LAMA2: variants seen among roughly 807,000 people sequenced by gnomAD.
LAMA2 encodes the protein laminin subunit alpha-2.
Under a neutral mutation model 364.8 loss-of-function variants are expected in LAMA2, and 269 were observed. That is an observed-to-expected ratio of 0.74 (90% confidence interval 0.67 to 0.82). LAMA2 has a LOEUF of 0.82. Ranked by LOEUF, LAMA2 falls within the 40% of genes least tolerant of loss-of-function variation. The pLI is 0.00. For missense variants in LAMA2, 3,807 were observed against 3,873.2 expected, an observed-to-expected ratio of 0.98 and a Z score of 0.45; for synonymous variants, 1,379 against 1,370.6, an observed-to-expected ratio of 1.01 and a Z score of -0.14.
chr6:129,088,241 G>A (rs1305384577), intron 3 of LAMA2, among the ~76,000 whole-genome samples: 1 of 151,692 alleles, frequency 6.6e-6, no homozygotes, highest in East Asian at 1.9e-4. Flanking sequence ...GCATCCCAAG[G>A]CAGAAGAATC....
chr6:129,379,255 A>ATC (rs1184416619), intron 34 of LAMA2, among the ~76,000 whole-genome samples: 1 of 151,928 alleles, frequency 6.6e-6, no homozygotes, highest in Non-Finnish European at 1.5e-5. Flanking sequence ...AGGAAGAATA[A>ATC]CTTATGGGCA....
chr6:129,323,980 A>T (rs191134079), intron 28 of LAMA2, among the ~76,000 whole-genome samples: 39 of 152,284 alleles, frequency 2.6e-4, no homozygotes, highest in Admixed American at 2.6e-3. Context: ...ATTTATACCT[A>T]TCGTCAACAC....
chr6:129,375,751 A>ATG (rs748732020), intron 34 of LAMA2, among the ~76,000 whole-genome samples: 1 of 152,170 alleles, frequency 6.6e-6, no homozygotes, highest in Non-Finnish European at 1.5e-5. Context: ...TAATTCATAA[A>ATG]TCTATATTTT....
intron 15 of LAMA2, among the ~76,000 whole-genome samples, chr6:129,265,154 T>C (rs1414056385): frequency 1.3e-5 from 2 of 152,108 alleles, no homozygotes; most frequent in Non-Finnish European, 2.9e-5. Context: ...GTAATATTTC[T>C]TTAGGAGGAA....
At chr6:129,031,263 A>G (rs1721492661) in intron 1 of LAMA2, among the ~76,000 whole-genome samples, 1 of 152,248 alleles carries the variant, frequency 6.6e-6, no homozygotes. Flanking sequence ...AGCATAAAAC[A>G]GAATTAGATG....
chr6:128,987,120 T>C (rs1427797785), intron 1 of LAMA2, among the ~76,000 whole-genome samples: 1 of 140,698 alleles, frequency 7.1e-6, no homozygotes, highest in East Asian at 2.0e-4. Context: ...ATCTTTAGGA[T>C]AGTTTGTTTT....
chr6:129,147,046 A>G lies in LAMA2; in HGVS notation c.907A>G (p.Asn303Asp), dbSNP rs1368352409. Residue 303 changes from asparagine to aspartate, a missense_variant and splice_region_variant, in exon 6 of 65, where the codon AAT becomes GAT. Asn to Asp is a conservative substitution (Grantham distance 23). This residue lies in a region of LAMA2 where 394 missense variants were observed against 403.5 expected (regional missense o/e 0.98). Transcript: ENST00000421865. ...GGCTTGTCCACTTGATCCAGCGACA[A>G]ATGTATGTATATTTATAGGATGCTT... Reference protein sequence around the residue: ...ARACPLDPATNKSRCECEHNT... With the variant: ...ARACPLDPATDKSRCECEHNT... 6.3e-7 allele frequency: 1 copy of G among 1,591,008 alleles called. No homozygotes were observed. Among genetic ancestry groups the G allele is most frequent in the Non-Finnish European group, 8.6e-7 (1 of 1,159,136 alleles).
chr6:128,896,090 C>T (rs79570046), intron 1 of LAMA2, among the ~76,000 whole-genome samples: 3 of 152,250 alleles, frequency 2.0e-5, no homozygotes, highest in Non-Finnish European at 4.4e-5. Context: ...TATTGCTTAT[C>T]AAACACTGAT....
intron 64 of LAMA2, 106 bp downstream of exon 64, chr6:129,514,701 G>GC: frequency 1.1e-6 from 1 of 898,080 alleles, no homozygotes; most frequent in East Asian, 2.6e-5. Flanking sequence ...ATGTGTACTT[G>GC]CTTCCTAGCT....
At chr6:129,100,005 A>C (rs1775428275) in intron 4 of LAMA2, among the ~76,000 whole-genome samples, 2 of 152,342 alleles carry the variant, frequency 1.3e-5, no homozygotes, top group South Asian at 4.1e-4. Flanking sequence ...TTCAGTTTAC[A>C]TAAGACTAAT....
chr6:129,174,484 A>AGTGTGTGT (rs58286852), intron 9 of LAMA2, among the ~76,000 whole-genome samples: 1 of 147,004 alleles, frequency 6.8e-6, no homozygotes, highest in Admixed American at 6.8e-5. Flanking sequence ...ATGTTTCGTA[A>AGTGTGTGT]GTGTGTGTGT....
rs566774227 is a variant in LAMA2 at position 129,309,435 on chromosome 6, T to A, written c.3175-3426T>A. Among the ~76,000 whole-genome samples the A allele has an allele frequency of 7.9e-5, 12 of 152,354 alleles. No individual in the cohort carries two copies. The South Asian group carries it at 2.5e-3, about 32-fold the overall frequency. ...TCTATTTGTACTGTCAACAATTTTGTAAAAATTCATGCTTTGGTTTTATAC... is the reference window on the plus strand; with the variant it reads ...TCTATTTGTACTGTCAACAATTTTGAAAAAATTCATGCTTTGGTTTTATAC... On this transcript the variant is annotated intron_variant, in intron 22 of 64. Coordinates refer to ENST00000421865, the MANE Select transcript of LAMA2 (RefSeq NM_000426.4).
rs373720311 is a variant in LAMA2, at chr6:129,300,117, A to T, written c.3038-619A>T. ...CTTTGTACCCTTTGAATATTGCATG[A>T]TAGCAACAAAAATGAAAAATCTATA... On this transcript the variant is annotated intron_variant, in intron 21 of 64. Coordinates refer to ENST00000421865, the MANE Select transcript of LAMA2 (RefSeq NM_000426.4). Among the ~76,000 whole-genome samples, 150 of 152,328 alleles carry T rather than the reference A, an allele frequency of 9.8e-4. 7 individuals carry two copies. The South Asian group carries it at 0.029, about 30-fold the overall frequency.
chr6:129,054,749 TATA>T (rs767584890), intron 2 of LAMA2, among the ~76,000 whole-genome samples: 1 of 149,068 alleles, frequency 6.7e-6, no homozygotes, highest in African/African-American at 2.4e-5. Flanking sequence ...ATTATGTATA[TATA>T]ATAATATGTA....
chr6:129,176,626 A>T (rs1263559342), intron 9 of LAMA2, among the ~76,000 whole-genome samples: 1 of 152,134 alleles, frequency 6.6e-6, no homozygotes, highest in African/African-American at 2.4e-5. Flanking sequence ...AATAATTTAA[A>T]TCATGTTTTT....
chr6:129,132,735 C>A (rs1372271893), intron 4 of LAMA2, among the ~76,000 whole-genome samples: 1 of 152,138 alleles, frequency 6.6e-6, no homozygotes, highest in African/African-American at 2.4e-5. Flanking sequence ...TTAACTCTTT[C>A]AAGGGTAATG....
intron 10 of LAMA2, among the ~76,000 whole-genome samples, chr6:129,186,524 A>G (rs576309311): frequency 1.3e-5 from 2 of 151,840 alleles, no homozygotes; most frequent in Admixed American, 1.3e-4. Context: ...AATGCCCTTT[A>G]GTAGATATTT....
At chr6:129,314,563 TAA>T (rs1583473647) in intron 23 of LAMA2, 90 bp from the exon 24 acceptor site, 1 of 1,207,838 alleles carries the variant, frequency 8.3e-7, no homozygotes, top group Non-Finnish European at 1.2e-6. Context: ...TTAAATTTTT[TAA>T]AAAGAGTATG....
chr6:129,068,393 C>T (rs748108576), intron 3 of LAMA2, among the ~76,000 whole-genome samples: 3 of 152,186 alleles, frequency 2.0e-5, no homozygotes, highest in Non-Finnish European at 4.4e-5. Context: ...GGCTTGACGT[C>T]CAAGATCAAA....
Sources: gnomAD v4.1 joint callset for allele counts (sites outside exome capture counted in the v4.1 genomes callset) on GRCh38, gnomAD v4.1.1 for gene constraint, gnomAD v4.1.1 regional missense constraint, MANE v1.5 for transcripts, NCBI Gene and HGNC (gene_info 2026-07-23, HGNC 2026-07-21) for gene names.